TRPM3: variants seen among roughly 807,000 people sequenced by gnomAD.
The protein encoded by TRPM3 is transient receptor potential cation channel subfamily M member 3, also known as long transient receptor potential channel 3.
A neutral mutation model predicts 181.2 loss-of-function variants in TRPM3; 77 were observed. That is an observed-to-expected ratio of 0.42 (90% CI 0.35 to 0.51). The LOEUF (loss-of-function observed/expected upper bound fraction) is 0.51, where lower values mean the gene tolerates loss of function less well. Ranked by LOEUF, TRPM3 falls within the 20% of genes least tolerant of loss-of-function variation. TRPM3 has a pLI of 0.01. For synonymous variants in TRPM3, 745 were observed against 796.4 expected (o/e 0.94, Z 1.09); for missense variants, 1,759 against 2,196.7 (o/e 0.80, Z 3.98).
rs761562359 is a variant in TRPM3 at position 70,536,702 on chromosome 9, T to C, written c.4411A>G (p.Ile1471Val). The C allele has an allele frequency of 1.2e-6, 2 of 1,614,102 alleles. No individual in the cohort carries two copies. Among genetic ancestry groups the C allele is most frequent in the South Asian group, 1.1e-5 (1 of 91,066 alleles). Residue 1471 changes from isoleucine (I) to valine (V), a missense_variant, in exon 26 of 26, where the codon ATT (isoleucine) becomes GTT (valine). Coordinates refer to ENST00000677713, the MANE Select transcript of TRPM3 (RefSeq NM_001366145.2). ...APTDRPPSRS[I>V]DFEDITSMDT... ...ATGGAGGTGATGTCCTCAAAATCAA[T>C]GCTCCGGCTTGGAGGTCTGTCTGTG... is the stretch of plus-strand genomic sequence containing the variant.
chr9:70,814,551 A>C (rs1261082213), intron 6 of TRPM3, among the ~76,000 whole-genome samples: 1 of 152,210 alleles, frequency 6.6e-6, no homozygotes, highest in East Asian at 1.9e-4. Context: ...AAATGTAAGC[A>C]TCAAATGTAT....
intron 22 of TRPM3, among the ~76,000 whole-genome samples, chr9:70,577,948 T>C (rs572327990): frequency 1.3e-5 from 2 of 152,336 alleles, no homozygotes; most frequent in South Asian, 2.1e-4. Context: ...ACTGTAACCA[T>C]TCAGTTCATA....
At chr9:70,798,936 G>C (rs2088035914) in intron 6 of TRPM3, among the ~76,000 whole-genome samples, 1 of 152,140 alleles carries the variant, frequency 6.6e-6, no homozygotes, top group Non-Finnish European at 1.5e-5. Flanking sequence ...CTGTCCATCT[G>C]GATTACATCT....
At chr9:70,616,696 T>C (rs2062836793) in intron 17 of TRPM3, among the ~76,000 whole-genome samples, 2 of 151,096 alleles carry the variant, frequency 1.3e-5, no homozygotes, top group East Asian at 1.9e-4. Flanking sequence ...CAAACACACA[T>C]ACACACACAC....
intron 11 of TRPM3, among the ~76,000 whole-genome samples, chr9:70,636,880 G>A (rs1000847542): frequency 2.0e-5 from 3 of 152,182 alleles, no homozygotes; most frequent in African/African-American, 7.2e-5. Context: ...TAGAGACGGA[G>A]TTTCATCATG....
chr9:71,285,396 T>C (rs1359896933), intron 1 of TRPM3, among the ~76,000 whole-genome samples: 1 of 152,182 alleles, frequency 6.6e-6, no homozygotes, highest in African/African-American at 2.4e-5. Context: ...CTTTTTTGTG[T>C]ACCCAAACAA....
chr9:70,743,492 A>G (rs1396794474), intron 8 of TRPM3, among the ~76,000 whole-genome samples: 2 of 152,170 alleles, frequency 1.3e-5, no homozygotes, highest in African/African-American at 4.8e-5. Flanking sequence ...ATGATCTCCT[A>G]TGCAATCAGT....
At chr9:70,951,923 C>T (rs1336331484) in intron 1 of TRPM3, among the ~76,000 whole-genome samples, 4 of 152,122 alleles carry the variant, frequency 2.6e-5, no homozygotes, top group African/African-American at 4.8e-5. Context: ...GCTGACTCTG[C>T]CAACAATGGC....
chr9:70,804,367 C>T (rs1223850805), intron 6 of TRPM3, among the ~76,000 whole-genome samples: 1 of 152,082 alleles, frequency 6.6e-6, no homozygotes, highest in African/African-American at 2.4e-5. Flanking sequence ...CAAAAAACTA[C>T]TGTTCTTTAT....
chr9:70,566,475 C>T (rs1160828877), intron 22 of TRPM3, among the ~76,000 whole-genome samples: 2 of 152,006 alleles, frequency 1.3e-5, no homozygotes, highest in Non-Finnish European at 2.9e-5. Flanking sequence ...TTTGGAAGGA[C>T]CTCAGAGGAT....
intron 1 of TRPM3, among the ~76,000 whole-genome samples, chr9:71,360,428 G>A (rs543781209): frequency 2.6e-4 from 40 of 152,176 alleles, no homozygotes; most frequent in South Asian, 1.0e-3. Context: ...AATATGACAC[G>A]TTAATTTCAC....
chr9:70,603,871 A>G (rs1356231719), intron 19 of TRPM3, among the ~76,000 whole-genome samples: 1 of 152,180 alleles, frequency 6.6e-6, no homozygotes, highest in Non-Finnish European at 1.5e-5. Flanking sequence ...TTGCCTCACG[A>G]ATGCCAGGCA....
chr9:70,786,881 T>C (rs2083767671), intron 6 of TRPM3, among the ~76,000 whole-genome samples: 1 of 152,160 alleles, frequency 6.6e-6, no homozygotes, highest in Non-Finnish European at 1.5e-5. Flanking sequence ...GACTCTTGGA[T>C]TCTGTCGGTG....
At chr9:70,632,147 T>C (rs1238947498) in intron 12 of TRPM3, among the ~76,000 whole-genome samples, 1 of 152,214 alleles carries the variant, frequency 6.6e-6, no homozygotes, top group African/African-American at 2.4e-5. Flanking sequence ...TGAAAATTGC[T>C]TTAAGTTCCC....
At chr9:70,763,745 C>G (rs2078588794) in intron 7 of TRPM3, among the ~76,000 whole-genome samples, 1 of 152,120 alleles carries the variant, frequency 6.6e-6, no homozygotes, top group Non-Finnish European at 1.5e-5. Flanking sequence ...CTTCAATGAG[C>G]TTATGCACCA....
intron 1 of TRPM3, among the ~76,000 whole-genome samples, chr9:71,324,669 A>G (rs2089518277): frequency 6.6e-6 from 1 of 152,130 alleles, no homozygotes; most frequent in South Asian, 2.1e-4. Context: ...CTGCACTCAC[A>G]TGTTTATAGC....
intron 1 of TRPM3, among the ~76,000 whole-genome samples, chr9:71,209,376 A>T (rs2079328511): frequency 4.7e-5 from 1 of 21,382 alleles, no homozygotes; most frequent in Non-Finnish European, 9.0e-5. Context: ...TGGGGGGAGA[A>T]GAGGGGGTAG....
intron 1 of TRPM3, among the ~76,000 whole-genome samples, chr9:70,888,295 T>C (rs1327736143): frequency 6.6e-6 from 1 of 151,966 alleles, no homozygotes; most frequent in African/African-American, 2.4e-5. Context: ...GGCAATATAG[T>C]CACATTTTAA....
At chr9:71,264,775 A>T (rs2083277813) in intron 1 of TRPM3, among the ~76,000 whole-genome samples, 1 of 152,154 alleles carries the variant, frequency 6.6e-6, no homozygotes, top group Non-Finnish European at 1.5e-5. Context: ...TGGGTCCAGC[A>T]TGCCACCCTC....
Sources: gnomAD v4.1 joint callset for allele counts (sites outside exome capture counted in the v4.1 genomes callset) on GRCh38, gnomAD v4.1.1 for gene constraint, MANE v1.5 for transcripts, NCBI Gene and HGNC (gene_info 2026-07-23, HGNC 2026-07-21) for gene names.